The following NOXRED1 variants were observed in gnomAD, a reference collection of about 807,000 sequenced individuals.
The protein encoded by NOXRED1 is NADP dependent oxidoreductase domain containing 1, also known as NADP-dependent oxidoreductase domain-containing protein 1.
NOXRED1 carries 20 observed loss-of-function variants against 30.4 expected under a neutral mutation model. That is an observed-to-expected ratio of 0.66 (90% CI 0.46 to 0.96). The LOEUF is 0.96. Among genes scored for constraint, NOXRED1 ranks in the 40% least tolerant of loss-of-function variants. The pLI, the probability that NOXRED1 is intolerant of heterozygous loss-of-function variation, is 0.00. For synonymous variants in NOXRED1, 155 were observed against 168.0 expected, an observed-to-expected ratio of 0.92 and a Z score of 0.60; for missense variants, 374 against 428.0, an observed-to-expected ratio of 0.87 and a Z score of 1.11.
intron 1 of NOXRED1, among the ~76,000 whole-genome samples, chr14:77,418,897 A>G (rs1001157731): frequency 6.6e-6 from 1 of 152,164 alleles, no homozygotes; most frequent in Non-Finnish European, 1.5e-5. Flanking sequence ...AGTATTATGT[A>G]TATGGCTATA....
chr14:77,404,318 A>G lies in NOXRED1; in HGVS notation c.905+1595T>C, dbSNP rs1894401252. On this transcript the variant is annotated intron_variant, in intron 5 of 5. Coordinates refer to ENST00000380835, the MANE Select transcript of NOXRED1 (RefSeq NM_001113475.3). ...CACAGGCATAGAGAATAAACTGTCC[A>G]TTGATGATTGATTGGAATACGAAAG... Among the ~76,000 whole-genome samples the G allele has an allele frequency of 2.0e-5, 3 of 152,364 alleles. No homozygotes were observed. The East Asian group carries it at 5.8e-4, about 29-fold the overall frequency.
rs1398241511 is a variant in NOXRED1, at chr14:77,423,235, T to C, written c.-346A>G. ...TGAATTTACAACAGCAATTGAGTTT[T>C]ACAGGTATTCTTGGGCCAGGACGTT... On this transcript the variant is annotated 5_prime_UTR_variant, in exon 1 of 6. Transcript: ENST00000380835. Among the ~76,000 whole-genome samples the C allele has an allele frequency of 6.6e-6, 1 of 152,208 alleles. No individual in the cohort carries two copies. The highest frequency in any genetic ancestry group is 1.5e-5 in the Non-Finnish European group (1 of 68,034).
intron 2 of NOXRED1, among the ~76,000 whole-genome samples, chr14:77,411,184 T>C (rs1894638300): frequency 6.6e-6 from 1 of 151,990 alleles, no homozygotes; most frequent in Non-Finnish European, 1.5e-5. Context: ...GTGGATATAT[T>C]TCAGCTGGGC....
In NOXRED1 at chr14:77,415,627, TAGATAGAC is replaced by T. The variant is rs1336388704; in HGVS notation, c.156-1508_156-1501del. On this transcript the variant is annotated intron_variant, in intron 1 of 5. Coordinates refer to ENST00000380835, the MANE Select transcript of NOXRED1 (RefSeq NM_001113475.3). Reference sequence around the variant, plus strand: ...ATAGATAGATAGATAGATAGATAGATAGATAGACAGACAGACAGACATATAGATATAGT... The same window carrying T: ...ATAGATAGATAGATAGATAGATAGATAGACAGACAGACATATAGATATAGT... 1.2e-3 allele frequency among the ~76,000 whole-genome samples: 166 copies of T among 135,898 alleles called. 1 individual carries two copies. The highest frequency in any genetic ancestry group is 4.3e-3 in the African/African-American group (162 of 37,466). 89.2% of individuals were successfully genotyped at this position (135,898 alleles called of 152,430 possible).
In NOXRED1 at chr14:77,399,343, A is replaced by G. The variant is rs148435669; in HGVS notation, c.906-4538T>C. Among the ~76,000 whole-genome samples, 1,064 of 152,152 alleles carry G rather than the reference A, an allele frequency of 7.0e-3. 19 individuals are homozygous for G. Among genetic ancestry groups the G allele is most frequent in the South Asian group, 0.037 (180 of 4,822 alleles). The stretch of plus-strand genomic sequence containing the variant: ...GGTGGCATGTGCCTGTGGTCCAGCT[A>G]CTCGGGAGAGGTGGGAGGATCACTT... On this transcript the variant is annotated intron_variant, in intron 5 of 5. Transcript: ENST00000380835.
intron 1 of NOXRED1, among the ~76,000 whole-genome samples, chr14:77,420,005 T>C (rs900547669): frequency 6.6e-6 from 1 of 152,192 alleles, no homozygotes; most frequent in African/African-American, 2.4e-5. Context: ...TGGATGTCCA[T>C]TTCCTTCCTC....
intron 2 of NOXRED1, among the ~76,000 whole-genome samples, chr14:77,412,099 T>G (rs1894674742): frequency 1.0e-5 from 1 of 95,878 alleles, no homozygotes; most frequent in Non-Finnish European, 1.9e-5. Context: ...CAAGACTCAG[T>G]CTAAAAAAAA....
chr14:77,422,976 T>C lies in NOXRED1; in HGVS notation c.-87A>G, dbSNP rs1895041623. 7 of 1,085,892 alleles carry C rather than the reference T, an allele frequency of 6.4e-6. No individual in the cohort carries two copies. Among genetic ancestry groups the C allele is most frequent in the Non-Finnish European group, 9.5e-6 (7 of 739,090 alleles). 67.3% of individuals were successfully genotyped at this position (1,085,892 alleles called of 1,614,324 possible). A position where few individuals can be genotyped will look rare whatever the true frequency, so the allele number is the denominator to read the frequency against. ...AAGAGGGGTCTATGTAGGAGGTGTG[T>C]GTATGATGGTGTGTGTGCCCAGGTC... On this transcript the variant is annotated 5_prime_UTR_variant, in exon 1 of 6. Coordinates refer to ENST00000380835, the MANE Select transcript of NOXRED1 (RefSeq NM_001113475.3).
intron 5 of NOXRED1, among the ~76,000 whole-genome samples, chr14:77,398,251 T>G (rs531284374): frequency 6.6e-6 from 1 of 152,296 alleles, no homozygotes; most frequent in East Asian, 1.9e-4. Flanking sequence ...ACACTTATGA[T>G]TTTTACCTCT....
intron 2 of NOXRED1, among the ~76,000 whole-genome samples, chr14:77,410,671 C>T (rs1477301850): frequency 6.6e-6 from 1 of 151,956 alleles, no homozygotes; most frequent in African/African-American, 2.4e-5. Flanking sequence ...AAGAAAAATA[C>T]AGGCACACCA....
rs560793088 is a variant in NOXRED1, at chr14:77,417,829, T to TC, written c.156-3703dup. On this transcript the variant is annotated intron_variant, in intron 1 of 5. Transcript: ENST00000380835. ...ACTTATCACTGCCAGTTTGTTTTTT[T>TC]CTCTGTGTTGCAGTTTTGTTCTTCT... 5.6e-3 allele frequency among the ~76,000 whole-genome samples: 846 copies of TC among 152,298 alleles called. 9 individuals are homozygous for TC. Among genetic ancestry groups the TC allele is most frequent in the African/African-American group, 0.019 (804 of 41,560 alleles).
chr14:77,416,862 C>T (rs557638840), intron 1 of NOXRED1, among the ~76,000 whole-genome samples: 22 of 149,846 alleles, frequency 1.5e-4, no homozygotes, highest in Non-Finnish European at 3.0e-4. Flanking sequence ...CCGGACGGGG[C>T]GGCTGGCCGG....
chr14:77,394,875 C>A (rs1894140883), intron 5 of NOXRED1, 70 bp from the exon 6 acceptor site: 2 of 1,122,326 alleles, frequency 1.8e-6, no homozygotes, highest in South Asian at 1.5e-5. Context: ...TTAAACACAT[C>A]TTTTAAAGAA....
At chr14:77,420,809 C>G (rs747306774) in intron 1 of NOXRED1, among the ~76,000 whole-genome samples, 15 of 152,174 alleles carry the variant, frequency 9.9e-5, no homozygotes, top group Non-Finnish European at 1.6e-4. Context: ...CCAATCAGCC[C>G]AGCTAGAGAT....
At chr14:77,411,576 A>T (rs1894654039) in intron 2 of NOXRED1, among the ~76,000 whole-genome samples, 1 of 152,160 alleles carries the variant, frequency 6.6e-6, no homozygotes, top group South Asian at 2.1e-4. Flanking sequence ...CATTTAGATA[A>T]AATTCTAGAA....
chr14:77,416,093 C>T (rs1373330710), intron 1 of NOXRED1, among the ~76,000 whole-genome samples: 8 of 152,128 alleles, frequency 5.3e-5, no homozygotes, highest in African/African-American at 1.4e-4. Context: ...CTTTAGATAC[C>T]TCATATAAGT....
chr14:77,405,756 AG>A (rs1246238239), intron 5 of NOXRED1, among the ~76,000 whole-genome samples, 156 bp downstream of exon 5: 1 of 152,220 alleles, frequency 6.6e-6, no homozygotes, highest in African/African-American at 2.4e-5. Context: ...TGGAAGGCAA[AG>A]GATGGCATTT....
chr14:77,418,490 T>C (rs1008213835), intron 1 of NOXRED1, among the ~76,000 whole-genome samples: 1 of 151,248 alleles, frequency 6.6e-6, no homozygotes, highest in African/African-American at 2.4e-5. Flanking sequence ...AATTTTATTT[T>C]ATACATTTTA....
At chr14:77,403,571 A>G (rs970377901) in intron 5 of NOXRED1, among the ~76,000 whole-genome samples, 1 of 152,048 alleles carries the variant, frequency 6.6e-6, no homozygotes, top group African/African-American at 2.4e-5. Flanking sequence ...TGGGAAGATC[A>G]CGTGAGCCCA....
Sources: gnomAD v4.1 joint callset for allele counts (sites outside exome capture counted in the v4.1 genomes callset) on GRCh38, gnomAD v4.1.1 for gene constraint, MANE v1.5 for transcripts, NCBI Gene and HGNC (gene_info 2026-07-23, HGNC 2026-07-21) for gene names.